Variants in PLD5 observed in about 807,000 individuals in gnomAD.
The protein encoded by PLD5 is inactive phospholipase D5.
Under a neutral mutation model 61.1 loss-of-function variants are expected in PLD5, and 36 were observed. The observed-to-expected ratio is 0.59, with a 90% CI of 0.45 to 0.78. The LOEUF (loss-of-function observed/expected upper bound fraction) is 0.78. Ranked by LOEUF, PLD5 falls within the 30% of genes least tolerant of loss-of-function variation. The pLI is 0.00. For missense variants in PLD5, 515 were observed against 644.4 expected (o/e 0.80, Z 2.17); for synonymous variants, 243 against 242.8 (o/e 1.00, Z -0.01).
intron 5 of PLD5, among the ~76,000 whole-genome samples, chr1:242,138,287 G>T (rs542006195): frequency 6.6e-6 from 1 of 152,100 alleles, no homozygotes; most frequent in Non-Finnish European, 1.5e-5. Flanking sequence ...GTGGTTGGGG[G>T]ATGCAAGAGT....
At chr1:242,468,581 A>AT (rs1377685239) in intron 1 of PLD5, among the ~76,000 whole-genome samples, 22 of 152,048 alleles carry the variant, frequency 1.4e-4, no homozygotes, top group African/African-American at 5.1e-4. Context: ...ACTAATTGAG[A>AT]TTTTACCATA....
intron 4 of PLD5, among the ~76,000 whole-genome samples, chr1:242,239,437 T>C (rs191497750): frequency 7.9e-5 from 12 of 152,368 alleles, no homozygotes; most frequent in African/African-American, 2.2e-4. Flanking sequence ...CTAAGTGCTT[T>C]ATTTTATAAC....
At chr1:242,135,708 G>C (rs1161256849) in intron 5 of PLD5, among the ~76,000 whole-genome samples, 1 of 152,122 alleles carries the variant, frequency 6.6e-6, no homozygotes, top group Non-Finnish European at 1.5e-5. Flanking sequence ...GGTCATGATT[G>C]AATCTCAGTT....
At chr1:242,263,214 T>C (rs931113951) in intron 4 of PLD5, among the ~76,000 whole-genome samples, 2 of 151,966 alleles carry the variant, frequency 1.3e-5, no homozygotes, top group African/African-American at 4.8e-5. Context: ...CTTTTATTCT[T>C]TTTCACAATA....
intron 5 of PLD5, among the ~76,000 whole-genome samples, chr1:242,176,522 A>G (rs988138552): frequency 6.6e-6 from 1 of 152,214 alleles, no homozygotes; most frequent in African/African-American, 2.4e-5. Context: ...GGACATAGGT[A>G]TGGGCAAAGA....
At chr1:242,186,252 A>G (rs1574475201) in intron 5 of PLD5, among the ~76,000 whole-genome samples, 2 of 151,758 alleles carry the variant, frequency 1.3e-5, no homozygotes, top group Non-Finnish European at 2.9e-5. Context: ...GTATAATCTC[A>G]GCTCACTGCA....
intron 3 of PLD5, among the ~76,000 whole-genome samples, chr1:242,287,492 A>G (rs1431566222): frequency 6.6e-6 from 1 of 151,882 alleles, no homozygotes; most frequent in Non-Finnish European, 1.5e-5. Context: ...TTTTGTTTTT[A>G]TTTTCCAGTA....
intron 2 of PLD5, among the ~76,000 whole-genome samples, chr1:242,289,129 G>GC (rs1675202614): frequency 6.6e-6 from 1 of 152,168 alleles, no homozygotes; most frequent in Non-Finnish European, 1.5e-5. Flanking sequence ...TAAAATTATA[G>GC]TATTAATCAA....
At chr1:242,381,314 C>T (rs1032337277) in intron 1 of PLD5, among the ~76,000 whole-genome samples, 2 of 152,068 alleles carry the variant, frequency 1.3e-5, no homozygotes, top group Non-Finnish European at 2.9e-5. Flanking sequence ...AACCAAACAC[C>T]GCATGTTCTC....
intron 5 of PLD5, among the ~76,000 whole-genome samples, chr1:242,194,512 A>G (rs10926642): frequency 0.073 from 11,057 of 152,172 alleles, 440 homozygotes; most frequent in Middle Eastern, 0.12. Context: ...AAATCGTGGA[A>G]CCAACCCTTC....
chr1:242,284,136 T>C (rs1674883017), intron 3 of PLD5, among the ~76,000 whole-genome samples: 1 of 126,356 alleles, frequency 7.9e-6, no homozygotes, highest in Non-Finnish European at 1.7e-5. Flanking sequence ...TTTTTTTTTT[T>C]TTTTTTTTTT....
At chr1:242,380,711 A>T (rs535205122) in intron 1 of PLD5, among the ~76,000 whole-genome samples, 2 of 152,188 alleles carry the variant, frequency 1.3e-5, no homozygotes, top group South Asian at 4.1e-4. Flanking sequence ...AAGAAGAGAA[A>T]AAAAAACAAC....
intron 1 of PLD5, among the ~76,000 whole-genome samples, chr1:242,411,201 GAGA>G (rs1664530561): frequency 6.6e-6 from 1 of 151,666 alleles, no homozygotes. Flanking sequence ...ACAAATCCCT[GAGA>G]AGGATTGCCC....
chr1:242,345,086 C>T (rs1205690535), intron 2 of PLD5, among the ~76,000 whole-genome samples: 2 of 152,160 alleles, frequency 1.3e-5, no homozygotes, highest in Admixed American at 6.5e-5. Context: ...CTTCCCACAA[C>T]ACGTGGGAAT....
intron 4 of PLD5, among the ~76,000 whole-genome samples, chr1:242,260,693 G>A (rs1407048081): frequency 6.6e-5 from 10 of 152,132 alleles, no homozygotes. Context: ...CCAAATGACT[G>A]AAATCATACC....
intron 4 of PLD5, among the ~76,000 whole-genome samples, chr1:242,257,896 C>A (rs917525341): frequency 6.6e-6 from 1 of 152,166 alleles, no homozygotes; most frequent in Non-Finnish European, 1.5e-5. Flanking sequence ...AACGCCTGGG[C>A]CTTTTCATGC....
At chr1:242,129,370 C>A (rs1347130685) in intron 5 of PLD5, among the ~76,000 whole-genome samples, 1 of 152,148 alleles carries the variant, frequency 6.6e-6, no homozygotes, top group East Asian at 1.9e-4. Context: ...CTTCCTCTAC[C>A]CTAGAATGAC....
chr1:242,371,375 C>T (rs1191487928), intron 1 of PLD5, among the ~76,000 whole-genome samples: 2 of 151,912 alleles, frequency 1.3e-5, no homozygotes, highest in East Asian at 1.9e-4. Context: ...CTACAAGCTA[C>T]CAAAAGCTCA....
chr1:242,480,372 A>G (rs1267400407), intron 1 of PLD5, among the ~76,000 whole-genome samples: 1 of 152,240 alleles, frequency 6.6e-6, no homozygotes, highest in Non-Finnish European at 1.5e-5. Context: ...AATGAATTAC[A>G]GACTTCAATC....
Sources: allele counts gnomAD v4.1 joint callset (sites outside exome capture counted in the v4.1 genomes callset), GRCh38; gene constraint gnomAD v4.1.1; transcripts MANE v1.5; gene names NCBI Gene and HGNC (gene_info 2026-07-23, HGNC 2026-07-21).